The following FAM193A variants were observed in gnomAD, a reference collection of about 807,000 sequenced individuals.
The protein encoded by FAM193A is family with sequence similarity 193 member A.
In FAM193A, 22 loss-of-function variants were observed where a neutral mutation model predicts 126.5. The ratio of observed to expected loss-of-function variants is 0.17; its 90% CI spans 0.12 to 0.25. FAM193A has a LOEUF of 0.25. FAM193A is among the 10% of genes least tolerant of loss of function. The probability of loss-of-function intolerance (pLI) is 1.00; values close to 1 mark genes in which losing one functional copy is unlikely to be tolerated. For synonymous variants in FAM193A, 761 were observed against 646.8 expected (o/e 1.18, Z -2.68); for missense variants, 1,675 against 1,672.8 (o/e 1.00, Z -0.02).
chr4:2,698,375 C>T (rs892541185), intron 18 of FAM193A, among the ~76,000 whole-genome samples: 6 of 152,218 alleles, frequency 3.9e-5, no homozygotes, highest in Non-Finnish European at 8.8e-5. Flanking sequence ...CCTCTGCTCC[C>T]GTGCAGGCCC....
rs555440874 is a variant in FAM193A at position 2,730,988 on chromosome 4, G to C, written c.4455-787G>C. 1.1e-4 allele frequency among the ~76,000 whole-genome samples: 16 copies of C among 152,182 alleles called. No individual in the cohort carries two copies. The South Asian group carries it at 3.3e-3, about 32-fold the overall frequency. On this transcript the variant is annotated intron_variant, in intron 20 of 20. Coordinates refer to ENST00000637812, the MANE Select transcript of FAM193A (RefSeq NM_001366318.2). ...GAGGCAGGCGGATCACTTTAGGTCA[G>C]GAGTACAGATCAGCCTGGTCAACAT...
intron 3 of FAM193A, 76 bp from the exon 4 acceptor site, chr4:2,626,334 C>CT: frequency 1.5e-6 from 1 of 659,416 alleles, no homozygotes. Context: ...CTGGGAGGTC[C>CT]TCTGAGGACA....
chr4:2,705,013 G>A (rs1256729535), intron 19 of FAM193A, among the ~76,000 whole-genome samples: 1 of 152,196 alleles, frequency 6.6e-6, no homozygotes, highest in African/African-American at 2.4e-5. Flanking sequence ...CGGGGGTCAC[G>A]CCATTCTCCT....
intron 13 of FAM193A, among the ~76,000 whole-genome samples, chr4:2,679,946 G>A (rs115989834): frequency 4.8e-4 from 72 of 150,872 alleles, no homozygotes; most frequent in African/African-American, 1.7e-3. Flanking sequence ...TGCAACCTCC[G>A]CCTCTCAGAT....
chr4:2,610,246 CA>C (rs746467907), intron 2 of FAM193A, among the ~76,000 whole-genome samples: 3 of 151,626 alleles, frequency 2.0e-5, no homozygotes, highest in Non-Finnish European at 1.5e-5. Flanking sequence ...CAAAACAAAA[CA>C]AAAAAAACTC....
chr4:2,566,411 C>T (rs1738953716), intron 1 of FAM193A, among the ~76,000 whole-genome samples: 1 of 152,098 alleles, frequency 6.6e-6, no homozygotes, highest in Non-Finnish European at 1.5e-5. Context: ...ACGTTTAGGC[C>T]AGTTGCGGTG....
intron 7 of FAM193A, among the ~76,000 whole-genome samples, chr4:2,650,903 C>T (rs1745600619): frequency 6.6e-6 from 1 of 152,198 alleles, no homozygotes; most frequent in Admixed American, 6.5e-5. Flanking sequence ...TCTCAGGGCC[C>T]TCCTCCACAG....
intron 1 of FAM193A, among the ~76,000 whole-genome samples, chr4:2,547,427 C>T (rs918181582): frequency 1.3e-5 from 2 of 151,796 alleles, no homozygotes; most frequent in Non-Finnish European, 2.9e-5. Flanking sequence ...AATAATAATT[C>T]TTTTTGTGGA....
At chr4:2,729,911 C>A (rs1234369175) in intron 20 of FAM193A, among the ~76,000 whole-genome samples, 1 of 151,508 alleles carries the variant, frequency 6.6e-6, no homozygotes, top group Non-Finnish European at 1.5e-5. Flanking sequence ...CACAGCAAGG[C>A]TTTATTATTT....
chr4:2,705,478 T>C (rs1718198995), intron 19 of FAM193A, among the ~76,000 whole-genome samples: 1 of 152,148 alleles, frequency 6.6e-6, no homozygotes, highest in African/African-American at 2.4e-5. Context: ...TTTTTTCATT[T>C]ATATCCCTAA....
intron 1 of FAM193A, among the ~76,000 whole-genome samples, chr4:2,563,458 CT>C (rs1442081827): frequency 6.7e-6 from 1 of 149,298 alleles, no homozygotes; most frequent in Non-Finnish European, 1.5e-5. Context: ...AATCCCAGTA[CT>C]TTTGGGAGGC....
intron 6 of FAM193A, among the ~76,000 whole-genome samples, chr4:2,642,419 T>G (rs1355154679): frequency 1.3e-5 from 2 of 152,128 alleles, no homozygotes; most frequent in Middle Eastern, 3.2e-3. Context: ...AGCCATTCCT[T>G]CCCTTCTGTG....
chr4:2,685,788 G>GT (rs1317062812), intron 13 of FAM193A, among the ~76,000 whole-genome samples: 1 of 152,212 alleles, frequency 6.6e-6, no homozygotes, highest in African/African-American at 2.4e-5. Flanking sequence ...GGACAGGCGA[G>GT]TCACCTAGCT....
intron 2 of FAM193A, among the ~76,000 whole-genome samples, chr4:2,614,657 G>A (rs1026737571): frequency 8.5e-5 from 13 of 152,206 alleles, no homozygotes; most frequent in East Asian, 1.9e-4. Context: ...TTGATTTTCC[G>A]GAAAGGAAAA....
intron 18 of FAM193A, among the ~76,000 whole-genome samples, chr4:2,698,379 C>T (rs1312256332): frequency 6.6e-6 from 1 of 152,212 alleles, no homozygotes; most frequent in African/African-American, 2.4e-5. Flanking sequence ...TGCTCCCGTG[C>T]AGGCCCACAG....
At chr4:2,731,164 C>G (rs1020210459) in intron 20 of FAM193A, among the ~76,000 whole-genome samples, 1 of 130,072 alleles carries the variant, frequency 7.7e-6, no homozygotes, top group African/African-American at 3.0e-5. Flanking sequence ...CCATTGCACT[C>G]TAGCCTGGAT....
intron 12 of FAM193A, among the ~76,000 whole-genome samples, chr4:2,667,933 T>C (rs1322563799): frequency 1.3e-5 from 2 of 152,224 alleles, no homozygotes; most frequent in African/African-American, 2.4e-5. Context: ...AGACAGGGTC[T>C]TGCTCTGTTA....
At position 2,725,713 on chromosome 4, in the gene FAM193A, CTTTT is replaced by C. The variant is rs869232598; in HGVS notation, c.4455-6050_4455-6047del. Among the ~76,000 whole-genome samples, 6 of 140,262 alleles carry C rather than the reference CTTTT, an allele frequency of 4.3e-5. No individual in the cohort carries two copies. In the Admixed American group the frequency reaches 4.3e-4, roughly 10 times the overall value. 92.0% of individuals were successfully genotyped at this position (140,262 alleles called of 152,430 possible). ...GTAAAGCAATGAGAATTCTTGACAA[CTTTT>C]TTTTTTTTTTTAAGGCAATAGTCTT... is the stretch of plus-strand genomic sequence containing the variant. On this transcript the variant is annotated intron_variant, in intron 20 of 20. Coordinates refer to ENST00000637812, the MANE Select transcript of FAM193A (RefSeq NM_001366318.2).
chr4:2,725,968 G>A (rs534171415), intron 20 of FAM193A, among the ~76,000 whole-genome samples: 7 of 151,602 alleles, frequency 4.6e-5, no homozygotes, highest in Admixed American at 2.0e-4. Context: ...GCGCGATTTC[G>A]GCTCACTGCA....
Sources: allele counts gnomAD v4.1 joint callset (sites outside exome capture counted in the v4.1 genomes callset), GRCh38; gene constraint gnomAD v4.1.1; transcripts MANE v1.5; gene names NCBI Gene and HGNC (gene_info 2026-07-23, HGNC 2026-07-21).